PLCB1: variants seen among roughly 807,000 people sequenced by gnomAD.
PLCB1 encodes 1-phosphatidylinositol 4,5-bisphosphate phosphodiesterase beta-1.
PLCB1 carries 46 observed loss-of-function variants against 161.8 expected under a neutral mutation model. The observed-to-expected ratio is 0.28, with a 90% CI of 0.22 to 0.36. The LOEUF is 0.36. PLCB1 is among the 10% of genes least tolerant of loss of function. PLCB1 has a pLI of 1.00. For synonymous variants in PLCB1, 517 were observed against 503.7 expected, an observed-to-expected ratio of 1.03 and a Z score of -0.35; for missense variants, 1,016 against 1,472.5, an observed-to-expected ratio of 0.69 and a Z score of 5.07.
intron 2 of PLCB1, among the ~76,000 whole-genome samples, chr20:8,346,253 C>T (rs1428095319): frequency 2.0e-5 from 3 of 152,118 alleles, no homozygotes; most frequent in Admixed American, 2.0e-4. Context: ...TCCATTTTTG[C>T]CTGCCTGTAC....
intron 2 of PLCB1, among the ~76,000 whole-genome samples, chr20:8,257,679 CA>C (rs1269155386): frequency 6.6e-6 from 1 of 152,192 alleles, no homozygotes; most frequent in Non-Finnish European, 1.5e-5. Context: ...GGCCAGTGAT[CA>C]ATGCCTGGTA....
At chr20:8,704,974 C>A (rs1471050177) in intron 11 of PLCB1, among the ~76,000 whole-genome samples, 9 of 99,704 alleles carry the variant, frequency 9.0e-5, no homozygotes, top group African/African-American at 4.1e-4. Flanking sequence ...ACAGCAAATT[C>A]TCCTTTACTC....
intron 25 of PLCB1, 87 bp from the exon 26 acceptor site, chr20:8,765,052 A>G: frequency 9.8e-7 from 1 of 1,024,802 alleles, no homozygotes; most frequent in Non-Finnish European, 1.4e-6. Flanking sequence ...AAGATCAACC[A>G]TTTCTTCCTA....
intron 2 of PLCB1, among the ~76,000 whole-genome samples, chr20:8,285,101 G>T (rs62195911): frequency 0.023 from 3,403 of 150,838 alleles, 43 homozygotes; most frequent in African/African-American, 0.042. Context: ...CTCATTCTCT[G>T]GCATTTTTGT....
At chr20:8,765,105 C>T in intron 25 of PLCB1, 34 bp from the exon 26 acceptor site, 1 of 1,542,730 alleles carries the variant, frequency 6.5e-7, no homozygotes. Context: ...TTCAGCCCTC[C>T]CATTCCCTTA....
intron 2 of PLCB1, among the ~76,000 whole-genome samples, chr20:8,356,627 C>T (rs1986370389): frequency 6.6e-6 from 1 of 152,116 alleles, no homozygotes; most frequent in Admixed American, 6.5e-5. Flanking sequence ...AATTTAATTC[C>T]ATAATCATAC....
chr20:8,774,415 GT>G, intron 26 of PLCB1, 123 bp from the exon 27 acceptor site: 1 of 899,926 alleles, frequency 1.1e-6, no homozygotes, highest in Non-Finnish European at 1.7e-6. Context: ...TCTACCCCAA[GT>G]GGCTTATGAA....
At chr20:8,670,511 A>T (rs901682899) in intron 9 of PLCB1, among the ~76,000 whole-genome samples, 1 of 152,232 alleles carries the variant, frequency 6.6e-6, no homozygotes, top group Non-Finnish European at 1.5e-5. Flanking sequence ...TTATCACACC[A>T]TATCTTGGAG....
intron 3 of PLCB1, among the ~76,000 whole-genome samples, chr20:8,493,517 T>C (rs999642014): frequency 2.6e-5 from 4 of 152,226 alleles, no homozygotes; most frequent in African/African-American, 2.4e-5. Context: ...CTCTGGAAAA[T>C]TTATTAAATC....
chr20:8,444,168 C>G (rs374526177), intron 3 of PLCB1, among the ~76,000 whole-genome samples: 52 of 151,930 alleles, frequency 3.4e-4, no homozygotes, highest in Admixed American at 1.3e-4. Flanking sequence ...TAGGTATATC[C>G]CCTAATGCTA....
At chr20:8,500,470 T>A (rs1983359877) in intron 3 of PLCB1, among the ~76,000 whole-genome samples, 1 of 152,148 alleles carries the variant, frequency 6.6e-6, no homozygotes, top group Non-Finnish European at 1.5e-5. Flanking sequence ...CATTATGATA[T>A]GAGCAATGAT....
intron 27 of PLCB1, among the ~76,000 whole-genome samples, chr20:8,780,599 T>C (rs1219769671): frequency 6.6e-6 from 1 of 152,124 alleles, no homozygotes; most frequent in Non-Finnish European, 1.5e-5. Flanking sequence ...CAGCAATCAT[T>C]TCAGGACCCC....
intron 3 of PLCB1, among the ~76,000 whole-genome samples, chr20:8,548,823 T>C: frequency 6.6e-6 from 1 of 152,174 alleles, no homozygotes; most frequent in Admixed American, 6.5e-5. Context: ...TCAATAAATA[T>C]TAGTAGAATA....
At chr20:8,609,385 G>GCCTCCAGC (rs1235161690) in intron 3 of PLCB1, among the ~76,000 whole-genome samples, 11 of 152,188 alleles carry the variant, frequency 7.2e-5, no homozygotes, top group Non-Finnish European at 1.3e-4. Context: ...CCAGCACTTG[G>GCCTCCAGC]ATGAGGCAAG....
intron 27 of PLCB1, among the ~76,000 whole-genome samples, chr20:8,785,759 A>G (rs1983451977): frequency 6.6e-6 from 1 of 152,148 alleles, no homozygotes; most frequent in South Asian, 2.1e-4. Flanking sequence ...TATTGACTGG[A>G]GGCCGATGCT....
At chr20:8,378,456 C>T (rs1307037550) in intron 3 of PLCB1, among the ~76,000 whole-genome samples, 1 of 152,096 alleles carries the variant, frequency 6.6e-6, no homozygotes, top group African/African-American at 2.4e-5. Context: ...AGCTTTATGT[C>T]TTAAAAATCA....
chr20:8,706,764 A>G (rs566383542), intron 11 of PLCB1, among the ~76,000 whole-genome samples: 3 of 152,276 alleles, frequency 2.0e-5, no homozygotes, highest in Admixed American at 6.5e-5. Flanking sequence ...TCTCTTCTCT[A>G]TGACTTAAGG....
intron 3 of PLCB1, among the ~76,000 whole-genome samples, chr20:8,545,148 C>T (rs1300978594): frequency 6.6e-6 from 1 of 152,184 alleles, no homozygotes; most frequent in Non-Finnish European, 1.5e-5. Flanking sequence ...AAAATAAACA[C>T]TTGTCTCTCG....
intron 2 of PLCB1, among the ~76,000 whole-genome samples, chr20:8,239,241 C>T (rs1980485554): frequency 6.6e-6 from 1 of 151,920 alleles, no homozygotes; most frequent in South Asian, 2.1e-4. Flanking sequence ...GTATTGAATG[C>T]AACTTAAAAT....
Sources: allele counts gnomAD v4.1 joint callset (sites outside exome capture counted in the v4.1 genomes callset), GRCh38; gene constraint gnomAD v4.1.1; transcripts MANE v1.5; gene names NCBI Gene and HGNC (gene_info 2026-07-23, HGNC 2026-07-21).